Variants in RFTN1 observed in about 807,000 individuals in gnomAD.
RFTN1 encodes raftlin, lipid raft linker 1.
RFTN1 carries 26 observed loss-of-function variants against 46.5 expected under a neutral mutation model. The ratio of observed to expected loss-of-function variants is 0.56; its 90% CI spans 0.41 to 0.78. The LOEUF (loss-of-function observed/expected upper bound fraction) is 0.78. Among genes scored for constraint, RFTN1 ranks in the 30% least tolerant of loss-of-function variants. The probability of loss-of-function intolerance (pLI) is 0.00; values close to 1 mark genes in which losing one functional copy is unlikely to be tolerated. For synonymous variants in RFTN1, 261 were observed against 284.2 expected (o/e 0.92, Z 0.82); for missense variants, 693 against 718.7 (o/e 0.96, Z 0.41).
chr3:16,437,762 T>G (rs1235665449), intron 2 of RFTN1, among the ~76,000 whole-genome samples: 4 of 152,140 alleles, frequency 2.6e-5, no homozygotes, highest in African/African-American at 9.7e-5. Context: ...CTTTATTTAT[T>G]ATAAATGTTG....
chr3:16,372,236 A>C (rs1284431608), intron 5 of RFTN1, among the ~76,000 whole-genome samples: 1 of 152,216 alleles, frequency 6.6e-6, no homozygotes, highest in Non-Finnish European at 1.5e-5. Flanking sequence ...ACTGAAGAGC[A>C]TGTTACCACT....
At chr3:16,478,028 G>T (rs563314586) in intron 2 of RFTN1, among the ~76,000 whole-genome samples, 1 of 152,308 alleles carries the variant, frequency 6.6e-6, no homozygotes, top group South Asian at 2.1e-4. Flanking sequence ...TAGATTAGCA[G>T]AAGAACATCG....
chr3:16,404,132 A>AATATATAATATACATTTTATATATATT (rs2074750665), intron 4 of RFTN1, among the ~76,000 whole-genome samples: 2 of 192 alleles, frequency 0.01, no homozygotes, highest in African/African-American at 0.042. Flanking sequence ...TTTTATATAT[A>AATATATAATATACATTTTATATATATT]ATATATAATA....
rs547159999 is a variant in RFTN1 at position 16,509,831 on chromosome 3, G to A, written c.-9+3611C>T. On this transcript the variant is annotated intron_variant, in intron 1 of 9. Coordinates refer to ENST00000334133, the MANE Select transcript of RFTN1 (RefSeq NM_015150.2). The surrounding 1 kb of genome is among the most constrained non-coding windows in gnomAD (Gnocchi z 4.9). Reference sequence around the variant, plus strand: ...GTCCCTACCCTCTGGCAGGCACTGCGCTAGGCTTTTAAGGAGGAGGGAACA... The same window carrying A: ...GTCCCTACCCTCTGGCAGGCACTGCACTAGGCTTTTAAGGAGGAGGGAACA... Among the ~76,000 whole-genome samples, 15 of 152,240 alleles carry A rather than the reference G, an allele frequency of 9.9e-5. No homozygotes were observed. In the East Asian group the frequency reaches 1.2e-3, roughly 12 times the overall value.
In RFTN1 at chr3:16,380,420, C is replaced by T. The variant is rs985269914; in HGVS notation, c.442-2318G>A. On this transcript the variant is annotated intron_variant, in intron 4 of 9. Transcript: ENST00000334133. This position sits in a 1 kb window ranked among gnomAD's most constrained non-coding sequence, Gnocchi z 4.8. Reference sequence around the variant, plus strand: ...AGAGTGAAGAGGCGAGGACTCCAGACACAGGGCATTATCCTAGCCCTCCCC... The same window carrying T: ...AGAGTGAAGAGGCGAGGACTCCAGATACAGGGCATTATCCTAGCCCTCCCC... Among the ~76,000 whole-genome samples the T allele has an allele frequency of 5.3e-5, 8 of 152,202 alleles. No individual in the cohort carries two copies. Among genetic ancestry groups the T allele is most frequent in the Non-Finnish European group, 1.0e-4 (7 of 68,040 alleles).
At chr3:16,503,681 C>T (rs570481043) in intron 1 of RFTN1, among the ~76,000 whole-genome samples, 1 of 152,232 alleles carries the variant, frequency 6.6e-6, no homozygotes, top group Admixed American at 6.5e-5. Flanking sequence ...CTGCTTAGTT[C>T]CACATCCCTC....
At position 16,512,259 on chromosome 3, in the gene RFTN1, G is replaced by A. The variant is rs1285407811; in HGVS notation, c.-9+1183C>T. Among the ~76,000 whole-genome samples, 1 of 152,048 alleles carries A rather than the reference G, an allele frequency of 6.6e-6. No homozygotes were observed. The highest frequency in any genetic ancestry group is 2.4e-5 in the African/African-American group (1 of 41,378). ...TTACACCCGGCTTCCTTCCTGGCAA[G>A]GCCTTAACTTATCCTGAGATGACAC... On this transcript the variant is annotated intron_variant, in intron 1 of 9. Coordinates refer to ENST00000334133, the MANE Select transcript of RFTN1 (RefSeq NM_015150.2). The surrounding 1 kb of genome is among the most constrained non-coding windows in gnomAD (Gnocchi z 4.3).
Position 16,352,086 on chromosome 3 carries a change from A to G in RFTN1, c.1146+5846T>C, listed in dbSNP as rs2072141932. On this transcript the variant is annotated intron_variant, in intron 7 of 9. Coordinates refer to ENST00000334133, the MANE Select transcript of RFTN1 (RefSeq NM_015150.2). The surrounding 1 kb of genome is among the most constrained non-coding windows in gnomAD (Gnocchi z 4.6). ...TACTTTACATTCAAATAAAATGTGT[A>G]AGATAGGAATCTGATTTGCTTTGGG... Among the ~76,000 whole-genome samples the G allele has an allele frequency of 6.6e-6, 1 of 152,262 alleles. No homozygotes were observed.
At chr3:16,391,073 CACT>C (rs1214893483) in intron 4 of RFTN1, among the ~76,000 whole-genome samples, 1 of 152,068 alleles carries the variant, frequency 6.6e-6, no homozygotes. Flanking sequence ...TCAATACCAC[CACT>C]ATCACCTTTA....
chr3:16,397,733 C>T (rs11128790), intron 4 of RFTN1, among the ~76,000 whole-genome samples: 12,073 of 152,058 alleles, frequency 0.079, 609 homozygotes, highest in Middle Eastern at 0.15. Context: ...GTACATTTTC[C>T]GAAGTATGTG....
intron 4 of RFTN1, among the ~76,000 whole-genome samples, chr3:16,408,984 A>G (rs1212006385): frequency 6.6e-6 from 1 of 152,130 alleles, no homozygotes; most frequent in African/African-American, 2.4e-5. Context: ...GTGGCCCAGG[A>G]CTCTGGCATG....
At chr3:16,434,438 T>C (rs1575285774) in intron 2 of RFTN1, among the ~76,000 whole-genome samples, 1 of 151,916 alleles carries the variant, frequency 6.6e-6, no homozygotes, top group African/African-American at 2.4e-5. Context: ...CTTGTGGTCC[T>C]GGCTACTCAG....
chr3:16,331,352 C>T (rs937340632), intron 7 of RFTN1, among the ~76,000 whole-genome samples: 2 of 152,194 alleles, frequency 1.3e-5, no homozygotes, highest in African/African-American at 4.8e-5. Flanking sequence ...CTCCCATAAA[C>T]ATTTCTTATT....
At chr3:16,511,631 A>T (rs2076903936) in intron 1 of RFTN1, among the ~76,000 whole-genome samples, 1 of 152,156 alleles carries the variant, frequency 6.6e-6, no homozygotes, top group Non-Finnish European at 1.5e-5. Flanking sequence ...AAGCCATGGG[A>T]CCACATAGTT....
rs145383587 is a variant in RFTN1 at position 16,466,417 on chromosome 3, G to C, written c.145+27308C>G. ...ATTGCAAAAATTACCAAATTACGAAGTATGAAGTGACCTCCAACATCATAT... is the reference window on the plus strand; with the variant it reads ...ATTGCAAAAATTACCAAATTACGAACTATGAAGTGACCTCCAACATCATAT... On this transcript the variant is annotated intron_variant, in intron 2 of 9. Transcript: ENST00000334133. This position sits in a 1 kb window ranked among gnomAD's most constrained non-coding sequence, Gnocchi z 5.6. Among the ~76,000 whole-genome samples the C allele has an allele frequency of 9.0e-4, 137 of 152,302 alleles. No homozygotes were observed. Among genetic ancestry groups the C allele is most frequent in the Middle Eastern group, 3.4e-3 (1 of 294 alleles).
chr3:16,403,540 TGAGAGA>T (rs1395047934), intron 4 of RFTN1, among the ~76,000 whole-genome samples: 1 of 58,942 alleles, frequency 1.7e-5, no homozygotes, highest in Non-Finnish European at 2.9e-5. Context: ...CAGCAGCATA[TGAGAGA>T]CAGAGACAGA....
chr3:16,389,042 A>G (rs1218324781), intron 4 of RFTN1, among the ~76,000 whole-genome samples: 2 of 152,204 alleles, frequency 1.3e-5, no homozygotes, highest in Admixed American at 6.5e-5. Flanking sequence ...TTTAACCAGG[A>G]GCAGATGTTT....
rs1311143340 is a variant in RFTN1 at position 16,353,172 on chromosome 3, A to T, written c.1146+4760T>A. ...CCTGGGAGGACAGTGGTTACCAGAAAAGCAGAGTTAACTAGAAGCCAAAAG... is the reference window on the plus strand; with the variant it reads ...CCTGGGAGGACAGTGGTTACCAGAATAGCAGAGTTAACTAGAAGCCAAAAG... On this transcript the variant is annotated intron_variant, in intron 7 of 9. Coordinates refer to ENST00000334133, the MANE Select transcript of RFTN1 (RefSeq NM_015150.2). This position sits in a 1 kb window ranked among gnomAD's most constrained non-coding sequence, Gnocchi z 5.4. Among the ~76,000 whole-genome samples, 1 of 152,174 alleles carries T rather than the reference A, an allele frequency of 6.6e-6. No individual in the cohort carries two copies. The highest frequency in any genetic ancestry group is 1.5e-5 in the Non-Finnish European group (1 of 68,032).
rs544933904 is a variant in RFTN1 at position 16,479,969 on chromosome 3, C to G, written c.145+13756G>C. On this transcript the variant is annotated intron_variant, in intron 2 of 9. Transcript: ENST00000334133. This position sits in a 1 kb window ranked among gnomAD's most constrained non-coding sequence, Gnocchi z 5.1. ...GGCCTGGTTTCCAGATATAGGAGAACAGACACCAGACTAGGACATTAAAAA... is the reference window on the plus strand; with the variant it reads ...GGCCTGGTTTCCAGATATAGGAGAAGAGACACCAGACTAGGACATTAAAAA... Among the ~76,000 whole-genome samples the G allele has an allele frequency of 1.3e-5, 2 of 152,308 alleles. No individual in the cohort carries two copies. The highest frequency in any genetic ancestry group is 3.9e-4 in the East Asian group (2 of 5,188).
Sources: gnomAD v4.1 joint callset for allele counts (sites outside exome capture counted in the v4.1 genomes callset) on GRCh38, gnomAD v4.1.1 for gene constraint, Gnocchi (gnomAD v3.1) non-coding constraint, MANE v1.5 for transcripts, NCBI Gene and HGNC (gene_info 2026-07-23, HGNC 2026-07-21) for gene names.